SUGCT: variants seen among roughly 807,000 people sequenced by gnomAD.
SUGCT encodes succinyl-CoA:glutarate-CoA transferase.
In SUGCT, 41 loss-of-function variants were observed where a neutral mutation model predicts 55.0. That is an observed-to-expected ratio of 0.74 (90% CI 0.58 to 0.97). The LOEUF is 0.97. SUGCT is among the 50% of genes least tolerant of loss of function. The pLI, the probability that SUGCT is intolerant of heterozygous loss-of-function variation, is 0.00. For missense variants in SUGCT, 568 were observed against 547.8 expected (o/e 1.04, Z -0.37); for synonymous variants, 187 against 200.4 (o/e 0.93, Z 0.56).
intron 13 of SUGCT, among the ~76,000 whole-genome samples, chr7:40,786,278 G>A (rs1349616019): frequency 7.9e-5 from 12 of 152,154 alleles, no homozygotes. Context: ...GATTCAGGAG[G>A]TAATAGAAGA....
chr7:40,307,278 G>C (rs1347441262), intron 8 of SUGCT, among the ~76,000 whole-genome samples: 1 of 152,168 alleles, frequency 6.6e-6, no homozygotes. Context: ...CTTTGAATAA[G>C]TACTGCATTA....
chr7:40,956,777 A>G, the SUGCT span, among the ~76,000 whole-genome samples: 2 of 152,176 alleles, frequency 1.3e-5, no homozygotes, highest in African/African-American at 4.8e-5. Flanking sequence ...TTCCCTCTCA[A>G]CACTGCTTTT....
the SUGCT span, among the ~76,000 whole-genome samples, chr7:40,886,264 C>T: frequency 1.4e-4 from 21 of 152,156 alleles, no homozygotes; most frequent in African/African-American, 7.2e-5. Flanking sequence ...TACCCTATCT[C>T]GTAGGTACTA....
intron 13 of SUGCT, among the ~76,000 whole-genome samples, chr7:40,795,508 G>A (rs1790508563): frequency 6.6e-6 from 1 of 152,098 alleles, no homozygotes; most frequent in South Asian, 2.1e-4. Flanking sequence ...ACTTCTAGAA[G>A]TTCTTCAAGA....
intron 8 of SUGCT, among the ~76,000 whole-genome samples, chr7:40,296,716 G>A (rs1403283414): frequency 2.0e-5 from 3 of 150,596 alleles, no homozygotes; most frequent in Non-Finnish European, 4.4e-5. Flanking sequence ...TTCCTGTATA[G>A]GCCTCTAGGG....
At chr7:40,619,342 T>G (rs1301376202) in intron 12 of SUGCT, among the ~76,000 whole-genome samples, 1 of 152,248 alleles carries the variant, frequency 6.6e-6, no homozygotes, top group Non-Finnish European at 1.5e-5. Flanking sequence ...AGTAGGCCAG[T>G]ATATTTAAAA....
chr7:40,480,018 T>C lies in SUGCT; in HGVS notation c.987-16266T>C, dbSNP rs182708836. On this transcript the variant is annotated intron_variant, in intron 11 of 13. Coordinates refer to ENST00000335693, the MANE Select transcript of SUGCT (RefSeq NM_001193313.2). ...TCTTTGCTGTACAGAGACTTTTTAG[T>C]TTGATATAATCTCATTTGTCTATTT... Among the ~76,000 whole-genome samples, 21 of 152,288 alleles carry C rather than the reference T, an allele frequency of 1.4e-4. No homozygotes were observed. The East Asian group carries it at 3.5e-3, about 25-fold the overall frequency.
At chr7:40,445,708 A>C (rs964791721) in intron 9 of SUGCT, among the ~76,000 whole-genome samples, 1 of 152,216 alleles carries the variant, frequency 6.6e-6, no homozygotes, top group Non-Finnish European at 1.5e-5. Context: ...AGAGAATTTT[A>C]GACCAATATC....
At chr7:40,633,465 A>AAGTCAGTT (rs1483835545) in intron 12 of SUGCT, among the ~76,000 whole-genome samples, 1 of 152,226 alleles carries the variant, frequency 6.6e-6, no homozygotes. Flanking sequence ...TTTGTTCACA[A>AAGTCAGTT]TGAACTGACA....
intron 3 of SUGCT, among the ~76,000 whole-genome samples, chr7:40,184,380 A>G (rs1785380910): frequency 6.6e-6 from 1 of 152,090 alleles, no homozygotes; most frequent in South Asian, 2.1e-4. Context: ...CCCGGGCTCA[A>G]GCAATCCTCC....
At chr7:40,728,520 A>G (rs1315185963) in intron 12 of SUGCT, among the ~76,000 whole-genome samples, 3 of 152,198 alleles carry the variant, frequency 2.0e-5, no homozygotes, top group Non-Finnish European at 4.4e-5. Context: ...TCAGTCTCAA[A>G]AAAAGAAAAA....
chr7:40,442,928 T>A (rs552164699), intron 9 of SUGCT, among the ~76,000 whole-genome samples: 1 of 152,306 alleles, frequency 6.6e-6, no homozygotes, highest in African/African-American at 2.4e-5. Context: ...AATGTCCAAG[T>A]GTTCTCATTG....
At chr7:40,843,329 G>A (rs1793373796) in intron 13 of SUGCT, among the ~76,000 whole-genome samples, 1 of 152,048 alleles carries the variant, frequency 6.6e-6, no homozygotes, top group Non-Finnish European at 1.5e-5. Context: ...GGCCAACATG[G>A]TGAAACCCCG....
chr7:40,697,003 C>G (rs2128657607), intron 12 of SUGCT, among the ~76,000 whole-genome samples: 1 of 152,256 alleles, frequency 6.6e-6, no homozygotes, highest in African/African-American at 2.4e-5. Flanking sequence ...GTGTAATTAA[C>G]ATTTGCATAA....
At chr7:40,845,804 C>T (rs1039125523) in intron 13 of SUGCT, among the ~76,000 whole-genome samples, 13 of 152,010 alleles carry the variant, frequency 8.6e-5, no homozygotes, top group African/African-American at 2.9e-4. Context: ...GGAATATAAC[C>T]GTCATTTGTG....
At chr7:40,717,850 GA>G (rs1219409158) in intron 12 of SUGCT, among the ~76,000 whole-genome samples, 11 of 152,040 alleles carry the variant, frequency 7.2e-5, no homozygotes, top group Admixed American at 2.0e-4. Flanking sequence ...TAAATACATA[GA>G]AAAAAATATT....
intron 9 of SUGCT, among the ~76,000 whole-genome samples, chr7:40,340,905 A>G (rs1797008888): frequency 6.6e-6 from 1 of 152,200 alleles, no homozygotes; most frequent in Admixed American, 6.5e-5. Flanking sequence ...CACTGTCATC[A>G]TGTCTTTTGA....
intron 12 of SUGCT, among the ~76,000 whole-genome samples, chr7:40,619,685 A>G (rs546134670): frequency 2.0e-5 from 3 of 152,354 alleles, no homozygotes; most frequent in Non-Finnish European, 4.4e-5. Flanking sequence ...ATGAATACAC[A>G]TGAAGTAATT....
At chr7:40,743,884 A>G (rs896664102) in intron 12 of SUGCT, among the ~76,000 whole-genome samples, 1 of 152,096 alleles carries the variant, frequency 6.6e-6, no homozygotes, top group Admixed American at 6.6e-5. Context: ...CTTTTTACTA[A>G]TAAAGATTCT....
Sources: allele counts gnomAD v4.1 joint callset (sites outside exome capture counted in the v4.1 genomes callset), GRCh38; gene constraint gnomAD v4.1.1; transcripts MANE v1.5; gene names NCBI Gene and HGNC (gene_info 2026-07-23, HGNC 2026-07-21).